COL19A1: variants seen among roughly 807,000 people sequenced by gnomAD.
COL19A1 encodes collagen type XIX alpha 1 chain.
Under a neutral mutation model 190.2 loss-of-function variants are expected in COL19A1, and 159 were observed. That is an observed-to-expected ratio of 0.84 (90% CI 0.73 to 0.95). The LOEUF (loss-of-function observed/expected upper bound fraction) is 0.95. COL19A1 is among the 40% of genes least tolerant of loss of function. The probability of loss-of-function intolerance (pLI) is 0.00; values close to 1 mark genes in which losing one functional copy is unlikely to be tolerated. For missense variants in COL19A1, 1,418 were observed against 1,431.9 expected, an observed-to-expected ratio of 0.99 and a Z score of 0.16; for synonymous variants, 509 against 458.9, an observed-to-expected ratio of 1.11 and a Z score of -1.39.
intron 11 of COL19A1, among the ~76,000 whole-genome samples, chr6:69,964,880 A>T (rs996977839): frequency 6.6e-6 from 1 of 152,202 alleles, no homozygotes; most frequent in Non-Finnish European, 1.5e-5. Flanking sequence ...CCAAGTAAAA[A>T]TGATGTTCTG....
At position 70,077,385 on chromosome 6, in the gene COL19A1, C is replaced by T. The variant is rs138003975; in HGVS notation, c.1224+8909C>T. ...TTCTTGGAATGGTAGTATTGAGAGT[C>T]GCTCTTGAATTCTTCAGAAATACCT... On this transcript the variant is annotated intron_variant, in intron 15 of 50. Coordinates refer to ENST00000620364, the MANE Select transcript of COL19A1 (RefSeq NM_001858.6). 1.1e-3 allele frequency among the ~76,000 whole-genome samples: 169 copies of T among 152,216 alleles called. 1 individual carries two copies. Among genetic ancestry groups the T allele is most frequent in the African/African-American group, 3.9e-3 (164 of 41,552 alleles).
rs764774923 is a variant in COL19A1, at chr6:70,161,941, G to A, written c.2334G>A (p.Pro778=). ...GIPGIPGAPG[P]TGPPGLMGRT... The stretch of plus-strand genomic sequence containing the variant: ...CAGGCATTCCAGGTGCTCCAGGCCC[G>A]ACTGGACCCCCTGTAAGTATTTGTT... The change falls in exon 35 of 51, where the codon CCG becomes CCA. Residue 778 remains proline (P), a synonymous_variant. Coordinates refer to ENST00000620364, the MANE Select transcript of COL19A1 (RefSeq NM_001858.6). The A allele has an allele frequency of 6.0e-5, 96 of 1,603,896 alleles. No homozygotes were observed. Among genetic ancestry groups the A allele is most frequent in the Non-Finnish European group, 7.5e-5 (88 of 1,175,462 alleles).
chr6:70,008,764 GCA>G (rs539223661), intron 11 of COL19A1, among the ~76,000 whole-genome samples: 3 of 150,822 alleles, frequency 2.0e-5, no homozygotes, highest in Non-Finnish European at 1.5e-5. Context: ...AAAGAGAGAT[GCA>G]CACACACACA....
intron 16 of COL19A1, 23 bp downstream of exon 16, chr6:70,102,245 G>A: frequency 1.3e-6 from 2 of 1,551,662 alleles, no homozygotes; most frequent in Non-Finnish European, 1.8e-6. Flanking sequence ...TACAATGACT[G>A]TCCCTTTAAA....
intron 42 of COL19A1, among the ~76,000 whole-genome samples, chr6:70,179,992 C>T (rs1216875822): frequency 1.3e-5 from 2 of 152,192 alleles, no homozygotes; most frequent in African/African-American, 2.4e-5. Flanking sequence ...AAGTGATTCT[C>T]CTGCCTCGGG....
intron 9 of COL19A1, among the ~76,000 whole-genome samples, chr6:69,942,460 A>C (rs772855190): frequency 2.6e-5 from 4 of 152,216 alleles, no homozygotes; most frequent in Non-Finnish European, 4.4e-5. Context: ...GCTATTGAAC[A>C]GAAGAGCTTA....
intron 4 of COL19A1, among the ~76,000 whole-genome samples, chr6:69,923,770 A>G (rs1184248514): frequency 1.3e-5 from 2 of 152,160 alleles, no homozygotes; most frequent in South Asian, 2.1e-4. Context: ...CAAAACTCCA[A>G]GCTCTGAACA....
chr6:70,089,805 A>G (rs1409720721), intron 15 of COL19A1, among the ~76,000 whole-genome samples: 1 of 152,144 alleles, frequency 6.6e-6, no homozygotes, highest in Admixed American at 6.6e-5. Context: ...TACTTACACA[A>G]TGCAGCTTTC....
chr6:70,064,555 C>T (rs1781057385), intron 14 of COL19A1, among the ~76,000 whole-genome samples: 1 of 152,164 alleles, frequency 6.6e-6, no homozygotes, highest in African/African-American at 2.4e-5. Context: ...TGGCACAAGA[C>T]AGGGATGCCC....
rs1265299129 is a variant in COL19A1 at position 70,023,660 on chromosome 6, G to C, written c.1060G>C (p.Ala354Pro). The C allele has an allele frequency of 1.9e-6, 3 of 1,610,800 alleles. No homozygotes were observed. Among genetic ancestry groups the C allele is most frequent in the South Asian group, 1.1e-5 (1 of 90,292 alleles). ...AGGAGAAAAAGGAGATCCAGCTCTG[G>C]CTGGCCTTAATGGAGAAAATGTAAG... is the stretch of plus-strand genomic sequence containing the variant. ...EQGEKGDPALAGLNGENGLKG... is the reference protein window; with the variant it reads ...EQGEKGDPALPGLNGENGLKG... Residue 354 changes from alanine (A) to proline (P), a missense_variant, in exon 12 of 51, where the codon GCT becomes CCT. Transcript: ENST00000620364.
intron 5 of COL19A1, 132 bp downstream of exon 5, chr6:69,928,164 C>T: frequency 3.6e-6 from 4 of 1,104,742 alleles, no homozygotes; most frequent in African/African-American, 1.6e-5. Flanking sequence ...GGATCATCAA[C>T]AAGAAAATGC....
At chr6:69,900,029 G>GA (rs1770064836) in intron 3 of COL19A1, among the ~76,000 whole-genome samples, 1 of 151,884 alleles carries the variant, frequency 6.6e-6, no homozygotes, top group Non-Finnish European at 1.5e-5. Context: ...TTTTTTTCTA[G>GA]AAAAATGGCT....
At position 69,936,887 on chromosome 6, in the gene COL19A1, C is replaced by T. The variant is rs762753767; in HGVS notation, c.850C>T (p.Gln284Ter). Reference protein sequence around the residue: ...YLPAKQELKDQCQCIPNKGEA... With the variant: ...YLPAKQELKD ...GCCAGCAAAGCAGGAACTTAAAGAC[C>T]AGTGCCAGTGCATTCCAAACAAGGT... The change falls in exon 8 of 51, where the codon CAG becomes TAG. Residue 284 changes from glutamine to a stop codon, truncating the protein, a stop_gained. Transcript: ENST00000620364. LOFTEE classifies it high-confidence loss of function. 1.2e-6 allele frequency: 2 copies of T among 1,612,886 alleles called. No individual in the cohort carries two copies. Among genetic ancestry groups the T allele is most frequent in the East Asian group, 2.2e-5 (1 of 44,882 alleles).
At chr6:70,136,357 T>C (rs1391916784) in intron 18 of COL19A1, among the ~76,000 whole-genome samples, 3 of 152,122 alleles carry the variant, frequency 2.0e-5, no homozygotes, top group African/African-American at 7.2e-5. Flanking sequence ...GCAGCCTTGT[T>C]TATAATAGAG....
intron 11 of COL19A1, among the ~76,000 whole-genome samples, chr6:69,985,680 A>T (rs1776272373): frequency 6.6e-6 from 1 of 152,200 alleles, no homozygotes; most frequent in African/African-American, 2.4e-5. Flanking sequence ...TCTTTGTCTA[A>T]AAAACTGTGA....
chr6:70,168,809 A>C (rs1464376019), intron 40 of COL19A1, 128 bp downstream of exon 40: 1 of 895,042 alleles, frequency 1.1e-6, no homozygotes, highest in Non-Finnish European at 1.7e-6. Flanking sequence ...GGTGACAAGC[A>C]GGCCACAATA....
chr6:70,024,211 G>T (rs558557473), intron 12 of COL19A1, among the ~76,000 whole-genome samples: 1 of 152,150 alleles, frequency 6.6e-6, no homozygotes, highest in East Asian at 1.9e-4. Context: ...CCTCAGGATG[G>T]TTATCCTCCC....
chr6:70,071,522 T>G (rs1177388058), intron 15 of COL19A1, among the ~76,000 whole-genome samples: 1 of 152,184 alleles, frequency 6.6e-6, no homozygotes, highest in Non-Finnish European at 1.5e-5. Context: ...GTTTTATTTC[T>G]CAACTTCCTG....
intron 1 of COL19A1, among the ~76,000 whole-genome samples, chr6:69,871,759 C>CA (rs969691809): frequency 1.3e-5 from 2 of 151,024 alleles, no homozygotes; most frequent in African/African-American, 4.9e-5. Flanking sequence ...TTGGCTCACT[C>CA]AAAAACTGGT....
Sources: allele counts gnomAD v4.1 joint callset (sites outside exome capture counted in the v4.1 genomes callset), GRCh38; gene constraint gnomAD v4.1.1; transcripts MANE v1.5; gene names NCBI Gene and HGNC (gene_info 2026-07-23, HGNC 2026-07-21).